NCAM2: variants seen among roughly 807,000 people sequenced by gnomAD.
NCAM2 encodes the protein neural cell adhesion molecule 2.
A neutral mutation model predicts 98.1 loss-of-function variants in NCAM2; 30 were observed. That is an observed-to-expected ratio of 0.31 (90% CI 0.23 to 0.41). The LOEUF (loss-of-function observed/expected upper bound fraction) is 0.41. Ranked by LOEUF, NCAM2 falls within the 10% of genes least tolerant of loss-of-function variation. The pLI, the probability that NCAM2 is intolerant of heterozygous loss-of-function variation, is 1.00. For synonymous variants in NCAM2, 368 were observed against 342.4 expected, an observed-to-expected ratio of 1.07 and a Z score of -0.83; for missense variants, 867 against 1,005.8, an observed-to-expected ratio of 0.86 and a Z score of 1.87.
chr21:21,508,477 G>A (rs1318275561), intron 15 of NCAM2, among the ~76,000 whole-genome samples: 2 of 151,826 alleles, frequency 1.3e-5, no homozygotes, highest in Admixed American at 6.6e-5. Flanking sequence ...ATTAATGGGT[G>A]TCATTTTCTG....
chr21:21,316,533 C>T (rs886952730), intron 5 of NCAM2, among the ~76,000 whole-genome samples: 13 of 110,846 alleles, frequency 1.2e-4, no homozygotes, highest in South Asian at 2.9e-4. Context: ...ATCTTTTATT[C>T]TTTTTTTTTT....
In NCAM2 at chr21:21,458,958, G is replaced by C. The variant is rs117864695; in HGVS notation, c.1655-7648G>C. Among the ~76,000 whole-genome samples, 72 of 152,264 alleles carry C rather than the reference G, an allele frequency of 4.7e-4. 1 individual carries two copies. In the East Asian group the frequency reaches 0.014, roughly 29 times the overall value. On this transcript the variant is annotated intron_variant, in intron 12 of 17. Coordinates refer to ENST00000400546, the MANE Select transcript of NCAM2 (RefSeq NM_004540.5). ...TTGTCAGCCATATACCTGATAAGGG[G>C]TGAGTCTCCACAAATATATGAAAAA... is the stretch of plus-strand genomic sequence containing the variant.
chr21:21,112,378 C>A (rs1027771849), intron 1 of NCAM2, among the ~76,000 whole-genome samples: 2 of 152,140 alleles, frequency 1.3e-5, no homozygotes, highest in African/African-American at 4.8e-5. Flanking sequence ...AAAAAAGTAG[C>A]TATTTTTATA....
At chr21:21,330,709 A>T (rs1209912967) in intron 6 of NCAM2, among the ~76,000 whole-genome samples, 1 of 151,914 alleles carries the variant, frequency 6.6e-6, no homozygotes, top group Middle Eastern at 3.2e-3. Context: ...TTTGCTTCAT[A>T]TTTTTTGAAG....
rs113981137 is a variant in NCAM2, at chr21:21,425,870, A to G, written c.1481-6238A>G. On this transcript the variant is annotated intron_variant, in intron 11 of 17. Transcript: ENST00000400546. Reference sequence around the variant, plus strand: ...TTAAGCTCACAATGTTTCTTGCTCTATTCTGGATGCTATAGCAAAATATAT... The same window carrying G: ...TTAAGCTCACAATGTTTCTTGCTCTGTTCTGGATGCTATAGCAAAATATAT... Among the ~76,000 whole-genome samples, 1,260 of 152,274 alleles carry G rather than the reference A, an allele frequency of 8.3e-3. 15 individuals carry two copies. Among genetic ancestry groups the G allele is most frequent in the African/African-American group, 0.029 (1,206 of 41,556 alleles).
chr21:21,317,251 C>G (rs1300646381), intron 5 of NCAM2, among the ~76,000 whole-genome samples: 1 of 152,152 alleles, frequency 6.6e-6, no homozygotes, highest in African/African-American at 2.4e-5. Context: ...AAACAGCCTC[C>G]TGCTATCAGG....
intron 1 of NCAM2, among the ~76,000 whole-genome samples, chr21:21,081,942 T>TA (rs2065810741): frequency 1.3e-5 from 2 of 151,802 alleles, no homozygotes; most frequent in South Asian, 2.1e-4. Flanking sequence ...ATTTCTAATT[T>TA]AAAAAAAGTT....
Position 21,433,569 on chromosome 21 carries a change from C to T in NCAM2, c.1654+1288C>T, listed in dbSNP as rs566900187. Among the ~76,000 whole-genome samples, 543 of 151,122 alleles carry T rather than the reference C, an allele frequency of 3.6e-3. 4 individuals carry two copies. The highest frequency in any genetic ancestry group is 0.013 in the African/African-American group (518 of 41,176). ...CCTGGCTAACATGGCGAAACCCTGT[C>T]TCTACTAAAAGTACAAAAAAAAAAT... On this transcript the variant is annotated intron_variant, in intron 12 of 17. Coordinates refer to ENST00000400546, the MANE Select transcript of NCAM2 (RefSeq NM_004540.5).
intron 16 of NCAM2, among the ~76,000 whole-genome samples, chr21:21,523,269 C>T (rs563421170): frequency 6.6e-6 from 1 of 151,980 alleles, no homozygotes; most frequent in East Asian, 1.9e-4. Context: ...TTGCCCAGAC[C>T]AATGTCCTGA....
At chr21:21,497,781 T>C (rs1987347720) in intron 15 of NCAM2, among the ~76,000 whole-genome samples, 1 of 152,170 alleles carries the variant, frequency 6.6e-6, no homozygotes, top group Non-Finnish European at 1.5e-5. Flanking sequence ...ACATCAAGAC[T>C]GTTCAGCAAA....
At chr21:21,332,196 C>T (rs2074733500) in intron 6 of NCAM2, among the ~76,000 whole-genome samples, 1 of 152,108 alleles carries the variant, frequency 6.6e-6, no homozygotes, top group South Asian at 2.1e-4. Flanking sequence ...GTGTGAGCCA[C>T]CATGCCCAGC....
chr21:21,458,604 G>A (rs1235731974), intron 12 of NCAM2, among the ~76,000 whole-genome samples: 1 of 152,192 alleles, frequency 6.6e-6, no homozygotes, highest in Non-Finnish European at 1.5e-5. Flanking sequence ...TATAAACCAG[G>A]AAGCAGGCCG....
intron 1 of NCAM2, among the ~76,000 whole-genome samples, chr21:21,224,782 T>A (rs1429592105): frequency 1.3e-5 from 2 of 152,158 alleles, no homozygotes; most frequent in East Asian, 3.8e-4. Context: ...CCATTGTCCA[T>A]AGCATTCCTC....
intron 7 of NCAM2, among the ~76,000 whole-genome samples, chr21:21,336,026 T>C (rs2074858043): frequency 6.6e-6 from 1 of 152,164 alleles, no homozygotes; most frequent in African/African-American, 2.4e-5. Context: ...TTTTTAAGGC[T>C]ACAATTTAAA....
chr21:21,504,424 C>T (rs1215136995), intron 15 of NCAM2, among the ~76,000 whole-genome samples: 1 of 119,574 alleles, frequency 8.4e-6, no homozygotes, highest in African/African-American at 3.2e-5. Context: ...ATTACTTATG[C>T]TCAGGTTTGA....
At chr21:21,397,258 T>G (rs1350738971) in intron 9 of NCAM2, among the ~76,000 whole-genome samples, 1 of 152,088 alleles carries the variant, frequency 6.6e-6, no homozygotes, top group Non-Finnish European at 1.5e-5. Flanking sequence ...CCAGAACTTA[T>G]AGCCCTAACT....
intron 8 of NCAM2, among the ~76,000 whole-genome samples, chr21:21,354,254 G>A (rs920044943): frequency 6.6e-6 from 1 of 152,020 alleles, no homozygotes; most frequent in African/African-American, 2.4e-5. Flanking sequence ...TAATCCCACT[G>A]TACATTGAAT....
intron 6 of NCAM2, among the ~76,000 whole-genome samples, chr21:21,331,570 T>G (rs1414987606): frequency 2.9e-4 from 8 of 27,630 alleles, no homozygotes; most frequent in Non-Finnish European, 5.0e-4. Flanking sequence ...TCTATATACA[T>G]ATATATATAG....
chr21:21,447,680 A>G (rs1980392935), intron 12 of NCAM2, among the ~76,000 whole-genome samples: 1 of 152,174 alleles, frequency 6.6e-6, no homozygotes, highest in Non-Finnish European at 1.5e-5. Context: ...TTTACAAGGA[A>G]CTTAAACAAA....
Sources: gnomAD v4.1 joint callset for allele counts (sites outside exome capture counted in the v4.1 genomes callset) on GRCh38, gnomAD v4.1.1 for gene constraint, MANE v1.5 for transcripts, NCBI Gene and HGNC (gene_info 2026-07-23, HGNC 2026-07-21) for gene names.